Variants in MARCHF1 observed in about 807,000 individuals in gnomAD.
MARCHF1 encodes the protein membrane associated ring-CH-type finger 1, also known as E3 ubiquitin-protein ligase MARCHF1.
Under a neutral mutation model 54.2 loss-of-function variants are expected in MARCHF1, and 40 were observed. That is an observed-to-expected ratio of 0.74 (90% CI 0.57 to 0.96). The LOEUF (loss-of-function observed/expected upper bound fraction) is 0.96, where lower values mean the gene tolerates loss of function less well. Among genes scored for constraint, MARCHF1 ranks in the 40% least tolerant of loss-of-function variants. The probability of loss-of-function intolerance (pLI) is 0.00; values close to 1 mark genes in which losing one functional copy is unlikely to be tolerated. For missense variants in MARCHF1, 586 were observed against 656.5 expected (o/e 0.89, Z 1.17); for synonymous variants, 236 against 236.3 (o/e 1.00, Z 0.01).
chr4:163,849,563 G>A (rs1749587522), intron 4 of MARCHF1, among the ~76,000 whole-genome samples: 1 of 152,146 alleles, frequency 6.6e-6, no homozygotes, highest in East Asian at 1.9e-4. Context: ...GGTTATATAA[G>A]AAGATTGTAT....
chr4:164,082,449 C>A (rs1446280506), intron 2 of MARCHF1, among the ~76,000 whole-genome samples: 1 of 152,112 alleles, frequency 6.6e-6, no homozygotes, highest in East Asian at 1.9e-4. Flanking sequence ...CACCTTAGGT[C>A]TTCAATATGG....
chr4:163,957,741 C>T (rs1402094131), intron 3 of MARCHF1, among the ~76,000 whole-genome samples: 3 of 151,938 alleles, frequency 2.0e-5, no homozygotes, highest in Admixed American at 1.3e-4. Context: ...ATAACCTTTA[C>T]ACCCAACTTT....
In MARCHF1 at chr4:163,593,642, G is replaced by A. The variant is rs1002381733; in HGVS notation, c.1011-7713C>T. ...TCAACCATGACTTCCTTCCAATTTT[G>A]TCCACTCATTAATCTTATCTGGCTG... On this transcript the variant is annotated intron_variant, in intron 7 of 9. Coordinates refer to ENST00000514618, the MANE Select transcript of MARCHF1 (RefSeq NM_001394959.1). Among the ~76,000 whole-genome samples, 4 of 151,822 alleles carry A rather than the reference G, an allele frequency of 2.6e-5. No homozygotes were observed. The East Asian group carries it at 7.7e-4, about 29-fold the overall frequency.
rs537395604 is a variant in MARCHF1, at chr4:164,348,444, T to A, written c.-323+35426A>T. ...TCCAAACTTCTTTTGACTCTCATGG[T>A]TTGTTCCCTTGACCTGGAAGTGCCA... On this transcript the variant is annotated intron_variant, in intron 1 of 9. Coordinates refer to ENST00000514618, the MANE Select transcript of MARCHF1 (RefSeq NM_001394959.1). Among the ~76,000 whole-genome samples, 7 of 152,308 alleles carry A rather than the reference T, an allele frequency of 4.6e-5. No homozygotes were observed. In the South Asian group the frequency reaches 1.4e-3, roughly 32 times the overall value.
chr4:163,986,361 T>C (rs991625200), intron 3 of MARCHF1, among the ~76,000 whole-genome samples: 1 of 145,372 alleles, frequency 6.9e-6, no homozygotes. Context: ...GCCTCCCGGG[T>C]TCACGCCATT....
intron 3 of MARCHF1, among the ~76,000 whole-genome samples, chr4:163,861,295 A>G (rs1310004993): frequency 6.6e-6 from 1 of 152,184 alleles, no homozygotes; most frequent in Non-Finnish European, 1.5e-5. Context: ...AAAACGCAGA[A>G]CATCCAAGAA....
chr4:163,709,066 C>A (rs773374707), intron 4 of MARCHF1, among the ~76,000 whole-genome samples: 1 of 152,024 alleles, frequency 6.6e-6, no homozygotes, highest in East Asian at 1.9e-4. Flanking sequence ...AGAGTAATTC[C>A]ATTTCTTTAA....
At chr4:163,861,045 T>G (rs1033952491) in intron 3 of MARCHF1, among the ~76,000 whole-genome samples, 2 of 152,160 alleles carry the variant, frequency 1.3e-5, no homozygotes, top group African/African-American at 4.8e-5. Context: ...GATTAATATA[T>G]TAAGGACTAT....
chr4:163,721,507 C>A (rs1300756955), intron 4 of MARCHF1, among the ~76,000 whole-genome samples: 1 of 152,102 alleles, frequency 6.6e-6, no homozygotes, highest in Non-Finnish European at 1.5e-5. Context: ...TGTTGTGTCT[C>A]TGCCAGGCTT....
chr4:164,373,603 C>T (rs541771474), intron 1 of MARCHF1, among the ~76,000 whole-genome samples: 183 of 152,132 alleles, frequency 1.2e-3, no homozygotes, highest in African/African-American at 4.3e-3. Context: ...GGCCTGCCTG[C>T]TTTGGCCTCC....
intron 3 of MARCHF1, among the ~76,000 whole-genome samples, chr4:163,929,957 A>T (rs866808439): frequency 1.0e-5 from 1 of 100,304 alleles, no homozygotes; most frequent in African/African-American, 4.4e-5. Context: ...TATATATATT[A>T]TATATAATAT....
intron 7 of MARCHF1, among the ~76,000 whole-genome samples, chr4:163,594,341 T>C (rs1465928302): frequency 6.6e-6 from 1 of 151,772 alleles, no homozygotes; most frequent in East Asian, 1.9e-4. Context: ...ATACAATATT[T>C]AGTATATATT....
chr4:164,187,107 G>A (rs149339566), intron 1 of MARCHF1, among the ~76,000 whole-genome samples: 53 of 151,406 alleles, frequency 3.5e-4, no homozygotes, highest in African/African-American at 1.2e-3. Context: ...TATGGGCACC[G>A]GGTGCACTTG....
At chr4:164,262,885 T>C (rs968323925) in intron 1 of MARCHF1, among the ~76,000 whole-genome samples, 1 of 152,164 alleles carries the variant, frequency 6.6e-6, no homozygotes, top group Non-Finnish European at 1.5e-5. Flanking sequence ...TTAGAATAAA[T>C]TAGTAAATAT....
In MARCHF1 at chr4:164,306,808, T is replaced by C. The variant is rs1734708593; in HGVS notation, c.-323+77062A>G. On this transcript the variant is annotated intron_variant, in intron 1 of 9. Transcript: ENST00000514618. Reference sequence around the variant, plus strand: ...TAATTAATAAATCAAAAAGACGATATAAATTTAGCCTCTTATACAAAAGAT... The same window carrying C: ...TAATTAATAAATCAAAAAGACGATACAAATTTAGCCTCTTATACAAAAGAT... 2.0e-5 allele frequency among the ~76,000 whole-genome samples: 3 copies of C among 152,136 alleles called. No individual in the cohort carries two copies. The South Asian group carries it at 6.2e-4, about 32-fold the overall frequency.
intron 1 of MARCHF1, among the ~76,000 whole-genome samples, chr4:164,325,643 C>A (rs1025312106): frequency 6.6e-6 from 1 of 151,838 alleles, no homozygotes; most frequent in African/African-American, 2.4e-5. Flanking sequence ...GCAGGAGAAT[C>A]GCTTGAACCC....
intron 2 of MARCHF1, among the ~76,000 whole-genome samples, chr4:164,081,139 C>T (rs1306067415): frequency 8.4e-6 from 1 of 119,156 alleles, no homozygotes; most frequent in Admixed American, 1.1e-4. Context: ...ACCCAGGAGG[C>T]GGAGCTTGCA....
At chr4:164,070,489 T>G (rs942682088) in intron 2 of MARCHF1, among the ~76,000 whole-genome samples, 7 of 152,120 alleles carry the variant, frequency 4.6e-5, no homozygotes, top group African/African-American at 1.7e-4. Context: ...TGGGAAAAGA[T>G]TCAATGTGCA....
intron 5 of MARCHF1, among the ~76,000 whole-genome samples, chr4:163,627,650 C>T (rs764672413): frequency 2.0e-5 from 3 of 151,228 alleles, no homozygotes; most frequent in Non-Finnish European, 4.4e-5. Flanking sequence ...AAGATGATGA[C>T]AAATGTTCTT....
Sources: gnomAD v4.1 joint callset for allele counts (sites outside exome capture counted in the v4.1 genomes callset) on GRCh38, gnomAD v4.1.1 for gene constraint, MANE v1.5 for transcripts, NCBI Gene and HGNC (gene_info 2026-07-23, HGNC 2026-07-21) for gene names.